NUDCD2: variants seen among roughly 807,000 people sequenced by gnomAD.
NUDCD2 encodes the protein nudC domain-containing protein 2.
Under a neutral mutation model 20.8 loss-of-function variants are expected in NUDCD2, and 16 were observed. The observed-to-expected ratio is 0.77, with a 90% CI of 0.52 to 1.17. The LOEUF (loss-of-function observed/expected upper bound fraction) is 1.17. NUDCD2 is among the 50% of genes most tolerant of loss of function. The pLI is 0.00. For synonymous variants in NUDCD2, 87 were observed against 72.8 expected (o/e 1.20, Z -1.00); for missense variants, 199 against 193.9 (o/e 1.03, Z -0.16).
In NUDCD2 at chr5:163,453,083, A is replaced by G. The variant is rs1561627262; in HGVS notation, c.*884T>C. The G allele has an allele frequency of 6.6e-6, 1 of 152,234 alleles. No homozygotes were observed. Among genetic ancestry groups the G allele is most frequent in the Non-Finnish European group, 1.5e-5 (1 of 68,028 alleles). The allele number at this position is 152,234 out of a possible 1,614,324, so 9.4% of individuals were successfully genotyped here. On this transcript the variant is annotated 3_prime_UTR_variant, in exon 4 of 4. Transcript: ENST00000302764. ...AGATAATTTGAAGCAGATAGTAATC[A>G]GTAATGAGGAATCATGTCTTCAACT...
rs750391429 is a variant in NUDCD2 at position 163,454,061 on chromosome 5, C to T, written c.391-11G>A. The T allele has an allele frequency of 2.1e-6, 3 of 1,441,208 alleles. No homozygotes were observed. The highest frequency in any genetic ancestry group is 1.4e-5 in the African/African-American group (1 of 70,002). The allele number at this position is 1,441,208 out of a possible 1,614,324, so 89.3% of individuals were successfully genotyped here. ...GTCAAAACCAGGATTCTAAAAGATA[C>T]AAACATATATATAATGAAATAAAAC... On this transcript the variant is annotated splice_polypyrimidine_tract_variant and intron_variant, in intron 3 of 3. Transcript: ENST00000302764.
chr5:163,447,076 A>G lies in NUDCD2; in HGVS notation c.*6891T>C, dbSNP rs1236049967. ...TTAGGAACAACCAAAATTGCCAAGG[A>G]TAATTAGGGACATTATATAATGATA... is the stretch of plus-strand genomic sequence containing the variant. On this transcript the variant is annotated 3_prime_UTR_variant, in exon 4 of 4. Coordinates refer to ENST00000302764, the MANE Select transcript of NUDCD2 (RefSeq NM_145266.6). 6.6e-6 allele frequency: 1 copy of G among 152,220 alleles called. No homozygotes were observed. The highest frequency in any genetic ancestry group is 1.5e-5 in the Non-Finnish European group (1 of 68,038). The allele number at this position is 152,220 out of a possible 1,614,324, so 9.4% of individuals were successfully genotyped here. A position where few individuals can be genotyped will look rare whatever the true frequency, so the allele number is the denominator to read the frequency against.
In NUDCD2 at chr5:163,460,051, A is replaced by G. The variant is rs1040066825; in HGVS notation, c.-1T>C. The stretch of plus-strand genomic sequence containing the variant: ...TCCGCTCCTCAAACGGGGCCGACAT[A>G]ATCCAGTCCCTCCCGGCCGCGGCCG... On this transcript the variant is annotated 5_prime_UTR_variant, in exon 1 of 4. Transcript: ENST00000302764. The G allele has an allele frequency of 9.0e-6, 14 of 1,562,070 alleles. No homozygotes were observed. Among genetic ancestry groups the G allele is most frequent in the Non-Finnish European group, 1.1e-5 (13 of 1,155,330 alleles).
At position 163,460,088 on chromosome 5, in the gene NUDCD2, G is replaced by A. The variant is rs765946124; in HGVS notation, c.-38C>T. 1.0e-5 allele frequency: 15 copies of A among 1,504,778 alleles called. No homozygotes were observed. The highest frequency in any genetic ancestry group is 4.2e-5 in the African/African-American group (3 of 70,684). 93.2% of individuals were successfully genotyped at this position (1,504,778 alleles called of 1,614,324 possible). Reference sequence around the variant, plus strand: ...CCCGGCCGCGGCCGCACCAGGCGGAGCCGAGCGCACGCGCGGAATCCCACG... The same window carrying A: ...CCCGGCCGCGGCCGCACCAGGCGGAACCGAGCGCACGCGCGGAATCCCACG... On this transcript the variant is annotated 5_prime_UTR_variant, in exon 1 of 4. Transcript: ENST00000302764.
rs1758080922 is a variant in NUDCD2 at position 163,447,956 on chromosome 5, A to G, written c.*6011T>C. ...AACAATCGACTGCTTTTTACTAAAC[A>G]AGAAAAAGTTCTCAAATTAACACTC... On this transcript the variant is annotated 3_prime_UTR_variant, in exon 4 of 4. Transcript: ENST00000302764. The G allele has an allele frequency of 1.3e-5, 2 of 152,172 alleles. No individual in the cohort carries two copies. The highest frequency in any genetic ancestry group is 2.9e-5 in the Non-Finnish European group (2 of 68,030). 9.4% of individuals were successfully genotyped at this position (152,172 alleles called of 1,614,324 possible). A position where few individuals can be genotyped will look rare whatever the true frequency, so the allele number is the denominator to read the frequency against.
At position 163,452,301 on chromosome 5, in the gene NUDCD2, G is replaced by A. The variant is rs112817182; in HGVS notation, c.*1666C>T. ...GCTTTTAAATATTACTCACTAAAGAGAACCCAGGCTCTACGGAAAAATGGC... is the reference window on the plus strand; with the variant it reads ...GCTTTTAAATATTACTCACTAAAGAAAACCCAGGCTCTACGGAAAAATGGC... On this transcript the variant is annotated 3_prime_UTR_variant, in exon 4 of 4. Coordinates refer to ENST00000302764, the MANE Select transcript of NUDCD2 (RefSeq NM_145266.6). The A allele has an allele frequency of 6.6e-6, 1 of 152,062 alleles. No homozygotes were observed. The highest frequency in any genetic ancestry group is 2.4e-5 in the African/African-American group (1 of 41,404). 9.4% of individuals were successfully genotyped at this position (152,062 alleles called of 1,614,324 possible).
chr5:163,455,318 A>G (rs1758274817), intron 3 of NUDCD2, among the ~76,000 whole-genome samples: 1 of 152,252 alleles, frequency 6.6e-6, no homozygotes, highest in South Asian at 2.1e-4. Flanking sequence ...GGAACAGCAA[A>G]CAGGCCAGTA....
chr5:163,456,802 A>C, intron 3 of NUDCD2, 127 bp downstream of exon 3: 1 of 743,588 alleles, frequency 1.3e-6, no homozygotes, highest in Non-Finnish European at 2.0e-6. Context: ...CTAACAATTC[A>C]CTTTAAAAAT....
In NUDCD2 at chr5:163,447,760, T is replaced by C. The variant is rs1360558420; in HGVS notation, c.*6207A>G. ...GATGAAATCATATAAAATATGTTTT[T>C]TGACCATAATCTAGAAATCAGTAAC... On this transcript the variant is annotated 3_prime_UTR_variant, in exon 4 of 4. Transcript: ENST00000302764. 1 of 152,182 alleles carries C rather than the reference T, an allele frequency of 6.6e-6. No individual in the cohort carries two copies. Among genetic ancestry groups the C allele is most frequent in the Non-Finnish European group, 1.5e-5 (1 of 68,030 alleles). 9.4% of individuals were successfully genotyped at this position (152,182 alleles called of 1,614,324 possible). A position where few individuals can be genotyped will look rare whatever the true frequency, so the allele number is the denominator to read the frequency against.
intron 3 of NUDCD2, among the ~76,000 whole-genome samples, chr5:163,455,538 C>T (rs532454134): frequency 6.6e-5 from 10 of 152,032 alleles, no homozygotes; most frequent in African/African-American, 2.2e-4. Flanking sequence ...CCAAGGCGGG[C>T]GGATCACGAG....
rs1440199919 is a variant in NUDCD2 at position 163,452,288 on chromosome 5, T to C, written c.*1679A>G. 6.6e-6 allele frequency: 1 copy of C among 152,190 alleles called. No individual in the cohort carries two copies. The highest frequency in any genetic ancestry group is 1.5e-5 in the Non-Finnish European group (1 of 68,026). 9.4% of individuals were successfully genotyped at this position (152,190 alleles called of 1,614,324 possible). A position where few individuals can be genotyped will look rare whatever the true frequency, so the allele number is the denominator to read the frequency against. On this transcript the variant is annotated 3_prime_UTR_variant, in exon 4 of 4. Coordinates refer to ENST00000302764, the MANE Select transcript of NUDCD2 (RefSeq NM_145266.6). Reference sequence around the variant, plus strand: ...AGCACAGATCTTGGCTTTTAAATATTACTCACTAAAGAGAACCCAGGCTCT... The same window carrying C: ...AGCACAGATCTTGGCTTTTAAATATCACTCACTAAAGAGAACCCAGGCTCT...
chr5:163,456,352 C>G (rs1488825436), intron 3 of NUDCD2, among the ~76,000 whole-genome samples: 1 of 152,136 alleles, frequency 6.6e-6, no homozygotes, highest in Admixed American at 6.5e-5. Context: ...AAATCTAAAT[C>G]ATATCAAAGG....
rs1758120397 is a variant in NUDCD2, at chr5:163,449,393, TAAC to T, written c.*4571_*4573del. 1.3e-5 allele frequency: 2 copies of T among 152,142 alleles called. No homozygotes were observed. Among genetic ancestry groups the T allele is most frequent in the Non-Finnish European group, 1.5e-5 (1 of 68,024 alleles). The allele number at this position is 152,142 out of a possible 1,614,324, so 9.4% of individuals were successfully genotyped here. A position where few individuals can be genotyped will look rare whatever the true frequency, so the allele number is the denominator to read the frequency against. On this transcript the variant is annotated 3_prime_UTR_variant, in exon 4 of 4. Transcript: ENST00000302764. ...CCCATGTTTCAAAAATAATACAACT[TAAC>T]AATAGTTCCTCCAAAATGAACACTG...
rs1369433014 is a variant in NUDCD2 at position 163,459,916 on chromosome 5, G to A, written c.135C>T (p.Cys45=). The A allele has an allele frequency of 6.2e-7, 1 of 1,612,406 alleles. No homozygotes were observed. Among genetic ancestry groups the A allele is most frequent in the Non-Finnish European group, 8.5e-7 (1 of 1,179,418 alleles). The change falls in exon 1 of 4, where the codon TGC becomes TGT. Residue 45 remains cysteine, a synonymous_variant. Coordinates refer to ENST00000302764, the MANE Select transcript of NUDCD2 (RefSeq NM_145266.6). ...GCGCCACATGCCGGCTCTGGAGGCC[G>A]CACTGGATATCCTGGGCGCGCGTGC... The part of the protein sequence containing the change: ...PPGTRAQDIQ[C]GLQSRHVALS...
chr5:163,457,645 G>A, intron 1 of NUDCD2, 35 bp from the exon 2 acceptor site: 1 of 1,348,218 alleles, frequency 7.4e-7, no homozygotes, highest in Non-Finnish European at 1.1e-6. Flanking sequence ...TAAAAATACA[G>A]AATTTAATTT....
rs1758203168 is a variant in NUDCD2 at position 163,452,524 on chromosome 5, T to C, written c.*1443A>G. ...AGGTTTTTTAACCTGCTGAATAAAA[T>C]AGAAAATAATGAGTTTATAGAGATA... On this transcript the variant is annotated 3_prime_UTR_variant, in exon 4 of 4. Transcript: ENST00000302764. 3 of 152,184 alleles carry C rather than the reference T, an allele frequency of 2.0e-5. No individual in the cohort carries two copies. The highest frequency in any genetic ancestry group is 4.4e-5 in the Non-Finnish European group (3 of 67,978). 9.4% of individuals were successfully genotyped at this position (152,184 alleles called of 1,614,324 possible). A position where few individuals can be genotyped will look rare whatever the true frequency, so the allele number is the denominator to read the frequency against.
chr5:163,458,340 C>T (rs1240078799), intron 1 of NUDCD2, among the ~76,000 whole-genome samples: 3 of 151,996 alleles, frequency 2.0e-5, no homozygotes, highest in African/African-American at 7.2e-5. Context: ...GGGCAATCGG[C>T]ATTAAAAAAA....
Position 163,447,166 on chromosome 5 carries a change from G to T in NUDCD2, c.*6801C>A. On this transcript the variant is annotated 3_prime_UTR_variant, in exon 4 of 4. Transcript: ENST00000302764. ...ATCAGATCTTAAAAATACATGAAGAGACCAGGTACAGAGACTCATTCATTC... is the reference window on the plus strand; with the variant it reads ...ATCAGATCTTAAAAATACATGAAGATACCAGGTACAGAGACTCATTCATTC... The T allele has an allele frequency of 6.6e-6, 1 of 152,264 alleles. No individual in the cohort carries two copies. The highest frequency in any genetic ancestry group is 2.0e-4 in the South Asian group (1 of 4,962). The allele number at this position is 152,264 out of a possible 1,614,324, so 9.4% of individuals were successfully genotyped here.
chr5:163,455,142 A>G (rs1758271667), intron 3 of NUDCD2, among the ~76,000 whole-genome samples: 1 of 151,970 alleles, frequency 6.6e-6, no homozygotes, highest in African/African-American at 2.4e-5. Context: ...GGTAAGTGAC[A>G]CAGAAAAAAA....
Sources: allele counts gnomAD v4.1 joint callset (sites outside exome capture counted in the v4.1 genomes callset), GRCh38; gene constraint gnomAD v4.1.1; transcripts MANE v1.5; gene names NCBI Gene and HGNC (gene_info 2026-07-23, HGNC 2026-07-21).